Variants in SMIM23 observed in about 807,000 individuals in gnomAD.
SMIM23 encodes the protein small integral membrane protein 23.
A neutral mutation model predicts 12.8 loss-of-function variants in SMIM23; 10 were observed. The observed-to-expected ratio is 0.78, with a 90% confidence interval of 0.48 to 1.32. The LOEUF is 1.32. SMIM23 is among the 40% of genes most tolerant of loss of function. The probability of loss-of-function intolerance (pLI) is 0.00; values close to 1 mark genes in which losing one functional copy is unlikely to be tolerated. For synonymous variants in SMIM23, 78 were observed against 80.1 expected (o/e 0.97, Z 0.14); for missense variants, 184 against 198.2 (o/e 0.93, Z 0.43).
chr5:171,776,772 C>T, the SMIM23 span, among the ~76,000 whole-genome samples: 1 of 152,166 alleles, frequency 6.6e-6, no homozygotes, highest in Admixed American at 6.5e-5. Flanking sequence ...CTGAGGAATT[C>T]AACAACCCCA....
upstream of SMIM23, among the ~76,000 whole-genome samples, chr5:171,783,895 A>G (rs1294313879): frequency 6.6e-6 from 1 of 152,206 alleles, no homozygotes; most frequent in Non-Finnish European, 1.5e-5. Flanking sequence ...GGCAAAAGAC[A>G]GGAACAAATG....
At chr5:171,786,690 C>T (rs753521982) in intron 1 of SMIM23, among the ~76,000 whole-genome samples, 1 of 152,208 alleles carries the variant, frequency 6.6e-6, no homozygotes, top group African/African-American at 2.4e-5. Flanking sequence ...CATTAATTTA[C>T]TATACATGCA....
At chr5:171,775,305 C>T in the SMIM23 span, among the ~76,000 whole-genome samples, 2 of 152,230 alleles carry the variant, frequency 1.3e-5, no homozygotes, top group Non-Finnish European at 2.9e-5. Context: ...CTGCCTCACA[C>T]TCCAGCACCA....
At chr5:171,773,177 G>A in the SMIM23 span, among the ~76,000 whole-genome samples, 1,223 of 152,246 alleles carry the variant, frequency 8.0e-3, 17 homozygotes, top group African/African-American at 0.028. Context: ...ACCTTAGGCG[G>A]GTCTCTTCGG....
In SMIM23 at chr5:171,791,129, G is replaced by T; in HGVS notation, c.*41G>T. ...TCAGGCAAGAAAATAAAGTAGTTGG[G>T]AAATGAAGTCCGCTGTTCACATTCA... is the stretch of plus-strand genomic sequence containing the variant. On this transcript the variant is annotated 3_prime_UTR_variant, in exon 4 of 4. Coordinates refer to ENST00000523047, the MANE Select transcript of SMIM23 (RefSeq NM_001289970.2). The T allele has an allele frequency of 6.9e-7, 1 of 1,443,784 alleles. No homozygotes were observed. The highest frequency in any genetic ancestry group is 9.1e-7 in the Non-Finnish European group (1 of 1,103,606). 89.4% of individuals were successfully genotyped at this position (1,443,784 alleles called of 1,614,324 possible).
At chr5:171,776,709 T>C in the SMIM23 span, among the ~76,000 whole-genome samples, 2 of 152,186 alleles carry the variant, frequency 1.3e-5, no homozygotes, top group African/African-American at 4.8e-5. Flanking sequence ...CGTCTCAAAA[T>C]TCTATTCCTA....
At chr5:171,785,503 C>G (rs1415522880), upstream of SMIM23, among the ~76,000 whole-genome samples, 3 of 151,898 alleles carry the variant, frequency 2.0e-5, no homozygotes, top group East Asian at 5.8e-4. Flanking sequence ...CCAGCCTCAG[C>G]CTCCCAAAGT....
In SMIM23 at chr5:171,790,133, A is replaced by T. The variant is rs1035648521; in HGVS notation, c.106-97A>T. Reference sequence around the variant, plus strand: ...AGTTAAACTCAAAAAACTGTCTTATAAGCATTCCCATGTCTGGCCCTTTGT... The same window carrying T: ...AGTTAAACTCAAAAAACTGTCTTATTAGCATTCCCATGTCTGGCCCTTTGT... On this transcript the variant is annotated intron_variant, in intron 1 of 3. Coordinates refer to ENST00000523047, the MANE Select transcript of SMIM23 (RefSeq NM_001289970.2). The T allele has an allele frequency of 3.9e-5, 47 of 1,215,940 alleles. No homozygotes were observed. In the African/African-American group the frequency reaches 6.4e-4, roughly 16 times the overall value. The allele number at this position is 1,215,940 out of a possible 1,614,324, so 75.3% of individuals were successfully genotyped here. A position where few individuals can be genotyped will look rare whatever the true frequency, so the allele number is the denominator to read the frequency against.
the SMIM23 span, chr5:171,773,798 A>G: frequency 8.8e-6 from 4 of 456,204 alleles, no homozygotes; most frequent in African/African-American, 8.0e-5. Context: ...TCATTCTTCA[A>G]GAAAAGCCGT....
At chr5:171,776,785 G>A in the SMIM23 span, among the ~76,000 whole-genome samples, 1 of 152,118 alleles carries the variant, frequency 6.6e-6, no homozygotes, top group African/African-American at 2.4e-5. Flanking sequence ...CAACCCCACT[G>A]GGGTTTCTCC....
intron 1 of SMIM23, among the ~76,000 whole-genome samples, chr5:171,788,791 A>C (rs752372681): frequency 6.6e-6 from 1 of 152,346 alleles, no homozygotes; most frequent in Non-Finnish European, 1.5e-5. Context: ...TTACCAACTC[A>C]TTTTAAGGGG....
At chr5:171,774,024 T>G in the SMIM23 span, 75 of 363,142 alleles carry the variant, frequency 2.1e-4, 1 homozygote, top group South Asian at 1.5e-3. Flanking sequence ...AGGCAGTGTG[T>G]GGTTTGGTGG....
At chr5:171,788,926 G>A (rs761478380) in intron 1 of SMIM23, among the ~76,000 whole-genome samples, 4 of 152,148 alleles carry the variant, frequency 2.6e-5, no homozygotes, top group African/African-American at 4.8e-5. Flanking sequence ...TGCAACCTCC[G>A]CCTCCCAGGC....
At chr5:171,787,461 A>G (rs917605114) in intron 1 of SMIM23, among the ~76,000 whole-genome samples, 1 of 152,244 alleles carries the variant, frequency 6.6e-6, no homozygotes, top group African/African-American at 2.4e-5. Context: ...CTTTGCCTCC[A>G]TGCAGCACAG....
chr5:171,790,921 G>C lies in SMIM23; in HGVS notation c.352G>C (p.Ala118Pro). 2 of 1,536,192 alleles carry C rather than the reference G, an allele frequency of 1.3e-6. No individual in the cohort carries two copies. The highest frequency in any genetic ancestry group is 1.7e-6 in the Non-Finnish European group (2 of 1,146,928). The stretch of plus-strand genomic sequence containing the variant: ...AGAGGTGCAGCAGCTGGAGCAGCTA[G>C]CGTGGGACCTGGAACTGTGGCTGGA... ...EEEVQQLEQL[A>P]WDLELWLDAL... Residue 118 changes from alanine (A) to proline (P), a missense_variant, in exon 4 of 4, where the codon GCG becomes CCG. Physicochemically the swap from Ala to Pro is conservative, Grantham distance 27. Coordinates refer to ENST00000523047, the MANE Select transcript of SMIM23 (RefSeq NM_001289970.2).
chr5:171,786,028 C>A, intron 1 of SMIM23, 52 bp downstream of exon 1: 2 of 1,386,794 alleles, frequency 1.4e-6, no homozygotes, highest in Non-Finnish European at 2.0e-6. Flanking sequence ...GCTCCTTTTG[C>A]CACTCCAGAC....
At chr5:171,774,222 T>C in the SMIM23 span, 1 of 361,222 alleles carries the variant, frequency 2.8e-6, no homozygotes, top group African/African-American at 2.1e-5. Context: ...AGAGCAGGGA[T>C]CGATGGCATG....
In SMIM23 at chr5:171,791,002, T is replaced by C. The variant is rs1458045088; in HGVS notation, c.433T>C (p.Leu145=). The C allele has an allele frequency of 1.3e-6, 2 of 1,535,550 alleles. No individual in the cohort carries two copies. The stretch of plus-strand genomic sequence containing the variant: ...GCACTGCTCCACATATAAAAGTCAC[T>C]TGTGGGAGTGGGCCTGGGCCCTGGG... ...EEHCSTYKSH[L]WEWAWALGRE... The change falls in exon 4 of 4, where the codon TTG becomes CTG. Residue 145 remains leucine (L), a synonymous_variant. Coordinates refer to ENST00000523047, the MANE Select transcript of SMIM23 (RefSeq NM_001289970.2).
intron 1 of SMIM23, among the ~76,000 whole-genome samples, chr5:171,788,799 G>C (rs1755865255): frequency 6.6e-6 from 1 of 152,052 alleles, no homozygotes; most frequent in Admixed American, 6.5e-5. Flanking sequence ...TCATTTTAAG[G>C]GGGCAACAAA....
Sources: gnomAD v4.1 joint callset for allele counts (sites outside exome capture counted in the v4.1 genomes callset) on GRCh38, gnomAD v4.1.1 for gene constraint, MANE v1.5 for transcripts, NCBI Gene and HGNC (gene_info 2026-07-23, HGNC 2026-07-21) for gene names.